The following GPR149 variants were observed in gnomAD, a reference collection of about 807,000 sequenced individuals.
GPR149 encodes the protein G protein-coupled receptor 149, also known as probable G protein-coupled receptor 149.
GPR149 carries 50 observed loss-of-function variants against 50.2 expected under a neutral mutation model. The observed-to-expected ratio is 1.00, with a 90% confidence interval of 0.79 to 1.26. The LOEUF is 1.26. Ranked by LOEUF, GPR149 falls within the 50% of genes most tolerant of loss-of-function variation. The pLI, the probability that GPR149 is intolerant of heterozygous loss-of-function variation, is 0.00. For missense variants in GPR149, 983 were observed against 895.4 expected (o/e 1.10, Z -1.25); for synonymous variants, 405 against 358.2 (o/e 1.13, Z -1.48).
intron 3 of GPR149, among the ~76,000 whole-genome samples, chr3:154,402,743 C>CT (rs5853695): frequency 0.65 from 98,746 of 151,516 alleles, 32,470 homozygotes; most frequent in East Asian, 0.8. Flanking sequence ...ATCCTGTACA[C>CT]TTTTTTTCTC....
rs558950038 is a variant in GPR149, at chr3:154,373,243, T to C, written c.1624-34972A>G. Among the ~76,000 whole-genome samples, 197 of 152,166 alleles carry C rather than the reference T, an allele frequency of 1.3e-3. 4 individuals carry two copies. The Middle Eastern group carries it at 0.034, about 26-fold the overall frequency. ...TGTGTCATGTCATGGAAGTCAAGGA[T>C]GGAGTAGAACAGTGTCAAATGCTGC... On this transcript the variant is annotated intron_variant, in intron 3 of 3. Coordinates refer to ENST00000389740, the MANE Select transcript of GPR149 (RefSeq NM_001038705.3).
intron 3 of GPR149, among the ~76,000 whole-genome samples, chr3:154,384,118 A>G (rs1028720290): frequency 6.6e-6 from 1 of 152,212 alleles, no homozygotes; most frequent in African/African-American, 2.4e-5. Flanking sequence ...AAGATACTGC[A>G]TTGAGACAAT....
Position 154,372,959 on chromosome 3 carries a change from T to C in GPR149, c.1624-34688A>G, listed in dbSNP as rs544366559. Among the ~76,000 whole-genome samples, 14 of 152,204 alleles carry C rather than the reference T, an allele frequency of 9.2e-5. No individual in the cohort carries two copies. The South Asian group carries it at 2.7e-3, about 29-fold the overall frequency. ...CAGTGTTGTAAAGCTAAAATTGAGG[T>C]GAAATTGGATGTCCAATTTTAGAAA... On this transcript the variant is annotated intron_variant, in intron 3 of 3. Transcript: ENST00000389740.
chr3:154,420,231 A>G (rs532302155), intron 3 of GPR149, among the ~76,000 whole-genome samples: 70 of 152,084 alleles, frequency 4.6e-4, no homozygotes, highest in Non-Finnish European at 8.2e-4. Flanking sequence ...ATGTAGAAAA[A>G]AAGACTCCTT....
intron 3 of GPR149, among the ~76,000 whole-genome samples, chr3:154,359,538 G>C (rs1266512143): frequency 6.6e-6 from 1 of 152,144 alleles, no homozygotes; most frequent in African/African-American, 2.4e-5. Context: ...CACCCCAGAT[G>C]CTTGGCTATG....
chr3:154,391,464 G>A (rs1044892386), intron 3 of GPR149, among the ~76,000 whole-genome samples: 4 of 151,286 alleles, frequency 2.6e-5, no homozygotes, highest in Admixed American at 2.6e-4. Flanking sequence ...CATAAAAAAA[G>A]AGAAGGAAAT....
At chr3:154,387,162 C>T (rs1302346215) in intron 3 of GPR149, among the ~76,000 whole-genome samples, 1 of 152,142 alleles carries the variant, frequency 6.6e-6, no homozygotes, top group African/African-American at 2.4e-5. Context: ...GGGTGTTGAG[C>T]ACACTCTCTT....
chr3:154,412,076 T>C (rs971805905), intron 3 of GPR149, among the ~76,000 whole-genome samples: 6 of 152,070 alleles, frequency 3.9e-5, no homozygotes, highest in African/African-American at 1.4e-4. Context: ...ATACACCACA[T>C]AAACAGAATT....
chr3:154,339,743 A>T (rs946980662), intron 3 of GPR149, among the ~76,000 whole-genome samples: 1 of 151,086 alleles, frequency 6.6e-6, no homozygotes, highest in Non-Finnish European at 1.5e-5. Context: ...TTTGAAAAAG[A>T]ATGAGTTTCA....
chr3:154,338,846 A>G (rs1713717865), intron 3 of GPR149, among the ~76,000 whole-genome samples: 1 of 152,202 alleles, frequency 6.6e-6, no homozygotes, highest in African/African-American at 2.4e-5. Flanking sequence ...GTACTTTTCC[A>G]CAGAGAAATC....
intron 3 of GPR149, among the ~76,000 whole-genome samples, chr3:154,382,952 G>C (rs1714964181): frequency 6.6e-6 from 1 of 152,146 alleles, no homozygotes; most frequent in Non-Finnish European, 1.5e-5. Flanking sequence ...ACTGAAATTA[G>C]TGGGGCAGGA....
chr3:154,383,490 T>C (rs1714977377), intron 3 of GPR149, among the ~76,000 whole-genome samples: 1 of 152,180 alleles, frequency 6.6e-6, no homozygotes, highest in Admixed American at 6.5e-5. Flanking sequence ...GGCACACTGC[T>C]TGCCATATCG....
chr3:154,414,066 A>T (rs1157081267), intron 3 of GPR149, among the ~76,000 whole-genome samples: 1 of 152,120 alleles, frequency 6.6e-6, no homozygotes. Flanking sequence ...AGGAATGAAA[A>T]ATCAAACATC....
chr3:154,391,732 T>G (rs904991543), intron 3 of GPR149, among the ~76,000 whole-genome samples: 1 of 151,820 alleles, frequency 6.6e-6, no homozygotes, highest in Non-Finnish European at 1.5e-5. Context: ...TTTGACAACT[T>G]ATTAAGTTTA....
intron 3 of GPR149, among the ~76,000 whole-genome samples, chr3:154,345,828 C>T (rs1713913998): frequency 6.6e-6 from 1 of 152,118 alleles, no homozygotes; most frequent in African/African-American, 2.4e-5. Flanking sequence ...CATCTAGGAT[C>T]ATGGCACTTA....
intron 3 of GPR149, among the ~76,000 whole-genome samples, chr3:154,405,585 C>CGAA: frequency 1.2e-5 from 1 of 83,484 alleles, no homozygotes; most frequent in Non-Finnish European, 2.1e-5. Flanking sequence ...AAGACTCCAT[C>CGAA]AAAAAAAAAA....
chr3:154,426,871 CGTGTGTGTGTGTGTGTGTGT>C (rs61087162), intron 2 of GPR149, among the ~76,000 whole-genome samples: 3 of 144,434 alleles, frequency 2.1e-5, no homozygotes, highest in African/African-American at 5.2e-5. Flanking sequence ...TGGACCAGGG[CGTGTGTGTGTGTGTGTGTGT>C]GTGTGTGTGT....
chr3:154,347,485 A>G (rs1462743474), intron 3 of GPR149, among the ~76,000 whole-genome samples: 1 of 152,186 alleles, frequency 6.6e-6, no homozygotes, highest in African/African-American at 2.4e-5. Flanking sequence ...CAATTACCTC[A>G]CACCGGGTTC....
chr3:154,352,032 T>C (rs1264319724), intron 3 of GPR149: 1 of 371,978 alleles, frequency 2.7e-6, no homozygotes, highest in African/African-American at 2.1e-5. Context: ...TCTGTGCAAA[T>C]AGCAGACACA....
Sources: allele counts gnomAD v4.1 joint callset (sites outside exome capture counted in the v4.1 genomes callset), GRCh38; gene constraint gnomAD v4.1.1; transcripts MANE v1.5; gene names NCBI Gene and HGNC (gene_info 2026-07-23, HGNC 2026-07-21).